Variants in GPX6 observed in about 807,000 individuals in gnomAD.
GPX6 encodes glutathione peroxidase 6, also known as glutathione peroxidase 6 (olfactory).
A neutral mutation model predicts 20.0 loss-of-function variants in GPX6; 21 were observed. The ratio of observed to expected loss-of-function variants is 1.05; its 90% CI spans 0.74 to 1.51. The LOEUF (loss-of-function observed/expected upper bound fraction) is 1.51. GPX6 is among the 40% of genes most tolerant of loss of function. The pLI is 0.00. For synonymous variants in GPX6, 75 were observed against 98.0 expected, an observed-to-expected ratio of 0.77 and a Z score of 1.38; for missense variants, 233 against 254.7, an observed-to-expected ratio of 0.91 and a Z score of 0.58.
At chr6:28,513,259 A>G (rs1241687027) in intron 1 of GPX6, among the ~76,000 whole-genome samples, 3 of 123,020 alleles carry the variant, frequency 2.4e-5, no homozygotes, top group African/African-American at 7.9e-5. Context: ...TCTTTGTGAT[A>G]AGGCAGGGGT....
intron 1 of GPX6, among the ~76,000 whole-genome samples, chr6:28,513,070 C>G (rs148344959): frequency 2.6e-4 from 39 of 152,210 alleles, no homozygotes; most frequent in Admixed American, 2.0e-4. Context: ...AGGCCATTGA[C>G]AGCGGAAGGA....
At chr6:28,508,061 C>A (rs1762823165) in intron 2 of GPX6, among the ~76,000 whole-genome samples, 1 of 152,082 alleles carries the variant, frequency 6.6e-6, no homozygotes, top group East Asian at 1.9e-4. Context: ...ATAATGGTTG[C>A]CTAAAGAGAA....
intron 1 of GPX6, among the ~76,000 whole-genome samples, chr6:28,513,796 C>T (rs899567808): frequency 6.6e-6 from 1 of 152,156 alleles, no homozygotes; most frequent in Non-Finnish European, 1.5e-5. Flanking sequence ...AAAGCATACC[C>T]CATGCAGGGA....
chr6:28,508,149 A>G (rs1321648248), intron 2 of GPX6, among the ~76,000 whole-genome samples: 1 of 152,256 alleles, frequency 6.6e-6, no homozygotes, highest in Non-Finnish European at 1.5e-5. Context: ...TGCCTATTCA[A>G]TATGTAGCAA....
chr6:28,513,648 G>A (rs1183227075), intron 1 of GPX6, among the ~76,000 whole-genome samples: 3 of 152,268 alleles, frequency 2.0e-5, no homozygotes, highest in South Asian at 2.1e-4. Flanking sequence ...AGCATGCCAA[G>A]AATAAAAGGC....
chr6:28,505,528 C>T (rs1762798941), intron 4 of GPX6, among the ~76,000 whole-genome samples, 175 bp downstream of exon 4: 1 of 152,188 alleles, frequency 6.6e-6, no homozygotes, highest in Non-Finnish European at 1.5e-5. Context: ...GAGCTATTGT[C>T]CATCATGGGT....
chr6:28,512,823 GCTGC>G (rs1213624356), intron 1 of GPX6, among the ~76,000 whole-genome samples: 29 of 151,646 alleles, frequency 1.9e-4, no homozygotes, highest in Admixed American at 2.6e-4. Flanking sequence ...CTCCAGACGC[GCTGC>G]CTTAAGAGCT....
rs1763014485 is a variant in GPX6 at position 28,515,699 on chromosome 6, C to T, written c.45G>A (p.Leu15=). 6.2e-7 allele frequency: 1 copy of T among 1,613,926 alleles called. No homozygotes were observed. Among genetic ancestry groups the T allele is most frequent in the African/African-American group, 1.3e-5 (1 of 74,880 alleles). The change falls in exon 1 of 5, where the codon CTG becomes CTA. Residue 15 remains leucine (L), a synonymous_variant. Transcript: ENST00000361902. ...TTAGGGTCTGCTGAGCAAAGCCAAC[C>T]AGGAAAAACAGGACAAGACAGGAGG... The part of the protein sequence containing the change: ...FQASCLVLFF[L]VGFAQQTLKP...
At chr6:28,505,143 T>G (rs1213741216) in intron 4 of GPX6, among the ~76,000 whole-genome samples, 1 of 152,250 alleles carries the variant, frequency 6.6e-6, no homozygotes, top group African/African-American at 2.4e-5. Flanking sequence ...AATGTTGGTC[T>G]TATATTCAAT....
In GPX6 at chr6:28,506,407, C is replaced by A. The variant is rs923880600; in HGVS notation, c.264G>T (p.Glu88Asp). The stretch of plus-strand genomic sequence containing the variant: ...ACACAATGACACCAAAATTCTTCAG[C>A]TCCTCCTGTAGTGCATTCAGTTCTG... ...QYPELNALQEELKNFGVIVLA... is the reference protein window; with the variant it reads ...QYPELNALQEDLKNFGVIVLA... The change falls in exon 3 of 5, where the codon GAG becomes GAT. Residue 88 changes from glutamate to aspartate, a missense_variant. Glu to Asp is a conservative substitution (Grantham distance 45). Transcript: ENST00000361902. 1.1e-5 allele frequency: 17 copies of A among 1,612,964 alleles called. No individual in the cohort carries two copies. The highest frequency in any genetic ancestry group is 1.4e-5 in the Non-Finnish European group (17 of 1,178,914).
At position 28,513,295 on chromosome 6, in the gene GPX6, A is replaced by G. The variant is rs546818567; in HGVS notation, c.87+2362T>C. Reference sequence around the variant, plus strand: ...CTAATGGAGCTAACACAAGCTGCCTATGGGTGGCTGAACTAAGAGCACCCT... The same window carrying G: ...CTAATGGAGCTAACACAAGCTGCCTGTGGGTGGCTGAACTAAGAGCACCCT... On this transcript the variant is annotated intron_variant, in intron 1 of 4. Coordinates refer to ENST00000361902, the MANE Select transcript of GPX6 (RefSeq NM_182701.1). 1.1e-4 allele frequency among the ~76,000 whole-genome samples: 17 copies of G among 152,344 alleles called. No homozygotes were observed. In the South Asian group the frequency reaches 2.3e-3, roughly 20 times the overall value.
chr6:28,509,365 CA>C (rs34508933), intron 2 of GPX6, among the ~76,000 whole-genome samples: 33,569 of 101,104 alleles, frequency 0.33, 4,360 homozygotes, highest in African/African-American at 0.46. Flanking sequence ...GCTAAAAATG[CA>C]AAAAAAAAAA....
intron 4 of GPX6, among the ~76,000 whole-genome samples, chr6:28,505,398 C>G (rs1415627952): frequency 1.3e-5 from 2 of 152,204 alleles, no homozygotes; most frequent in Non-Finnish European, 2.9e-5. Context: ...TGAGTTCCTT[C>G]AGGGAACAGA....
At chr6:28,505,639 T>G in intron 4 of GPX6, 64 bp downstream of exon 4, 48 of 1,285,908 alleles carry the variant, frequency 3.7e-5, no homozygotes, top group African/African-American at 5.8e-5. Context: ...ACCCTAGACA[T>G]GAGCCCCACT....
At chr6:28,505,645 C>T in intron 4 of GPX6, 58 bp downstream of exon 4, 4 of 1,348,096 alleles carry the variant, frequency 3.0e-6, no homozygotes, top group Non-Finnish European at 3.2e-6. Context: ...GACATGAGCC[C>T]CACTGCTTTC....
chr6:28,515,610 G>T, intron 1 of GPX6, 47 bp downstream of exon 1: 2 of 1,431,352 alleles, frequency 1.4e-6, no homozygotes, highest in Non-Finnish European at 9.9e-7. Context: ...CAGCCAGGTT[G>T]GTCATCACGT....
intron 1 of GPX6, among the ~76,000 whole-genome samples, chr6:28,514,081 C>G (rs1762980493): frequency 6.6e-6 from 1 of 152,254 alleles, no homozygotes; most frequent in African/African-American, 2.4e-5. Context: ...TTCATGACAC[C>G]TTACGTCTGA....
At chr6:28,512,672 T>C (rs1049926179) in intron 1 of GPX6, among the ~76,000 whole-genome samples, 6 of 152,184 alleles carry the variant, frequency 3.9e-5, no homozygotes, top group African/African-American at 1.4e-4. Flanking sequence ...AGCTTTGTTC[T>C]TTCGCTCTTT....
chr6:28,506,675 C>T (rs1762809203), intron 2 of GPX6, among the ~76,000 whole-genome samples: 1 of 146,314 alleles, frequency 6.8e-6, no homozygotes, highest in Non-Finnish European at 1.5e-5. Context: ...TACACTTTAC[C>T]ATCCAATGAG....
Sources: gnomAD v4.1 joint callset for allele counts (sites outside exome capture counted in the v4.1 genomes callset) on GRCh38, gnomAD v4.1.1 for gene constraint, MANE v1.5 for transcripts, NCBI Gene and HGNC (gene_info 2026-07-23, HGNC 2026-07-21) for gene names.